CHODL: variants seen among roughly 807,000 people sequenced by gnomAD.
CHODL encodes transmembrane protein MT75.
In CHODL, 29 loss-of-function variants were observed where a neutral mutation model predicts 34.5. The observed-to-expected ratio is 0.84, with a 90% confidence interval of 0.63 to 1.15. CHODL has a LOEUF of 1.15. Among genes scored for constraint, CHODL ranks in the 50% most tolerant of loss-of-function variants. The pLI is 0.00. For synonymous variants in CHODL, 125 were observed against 116.1 expected, an observed-to-expected ratio of 1.08 and a Z score of -0.49; for missense variants, 332 against 332.5, an observed-to-expected ratio of 1.00 and a Z score of 0.01.
At chr21:18,181,610 TG>T (rs1184180466) in intron 2 of CHODL, among the ~76,000 whole-genome samples, 1 of 152,102 alleles carries the variant, frequency 6.6e-6, no homozygotes, top group African/African-American at 2.4e-5. Flanking sequence ...CACCGTGGTC[TG>T]GATATCCTGA....
intron 5 of CHODL, among the ~76,000 whole-genome samples, chr21:18,264,758 T>G (rs550313111): frequency 6.6e-6 from 1 of 152,028 alleles, no homozygotes; most frequent in South Asian, 2.1e-4. Context: ...GAATTCCAAA[T>G]GTGACAAGGG....
intron 2 of CHODL, among the ~76,000 whole-genome samples, chr21:18,227,986 T>C (rs1387171962): frequency 6.6e-6 from 1 of 152,172 alleles, no homozygotes. Context: ...ATAAGTTGGC[T>C]ATGGTTGGAC....
intron 2 of CHODL, among the ~76,000 whole-genome samples, chr21:18,059,660 A>G (rs1479112873): frequency 2.0e-5 from 3 of 152,018 alleles, no homozygotes; most frequent in African/African-American, 7.3e-5. Flanking sequence ...CAGCACCCCC[A>G]ATAGGGCCCA....
At chr21:18,157,040 G>A (rs147228508) in intron 2 of CHODL, among the ~76,000 whole-genome samples, 32 of 152,262 alleles carry the variant, frequency 2.1e-4, no homozygotes, top group Non-Finnish European at 3.7e-4. Flanking sequence ...GTGTTGCGGC[G>A]AAGAAGGCAG....
At chr21:18,080,974 G>A (rs1284127093) in intron 2 of CHODL, among the ~76,000 whole-genome samples, 1 of 152,066 alleles carries the variant, frequency 6.6e-6, no homozygotes, top group African/African-American at 2.4e-5. Flanking sequence ...ATGAGCATGG[G>A]ATGTTTTCCC....
At chr21:17,957,422 C>G (rs1234414378) in intron 1 of CHODL, among the ~76,000 whole-genome samples, 1 of 152,154 alleles carries the variant, frequency 6.6e-6, no homozygotes, top group African/African-American at 2.4e-5. Flanking sequence ...TGATCTTGCT[C>G]TTGCTTCCTT....
intron 2 of CHODL, among the ~76,000 whole-genome samples, chr21:18,123,238 A>G (rs2065502337): frequency 6.6e-6 from 1 of 152,184 alleles, no homozygotes; most frequent in African/African-American, 2.4e-5. Context: ...GTAAAGCCCA[A>G]TATTATGTGC....
At chr21:18,057,358 G>C (rs974202235) in intron 2 of CHODL, among the ~76,000 whole-genome samples, 3 of 151,824 alleles carry the variant, frequency 2.0e-5, no homozygotes, top group Non-Finnish European at 4.4e-5. Context: ...TTTTAGAGCA[G>C]TTTTAGGTTC....
chr21:18,245,636 G>C (rs1057373028), intron 1 of CHODL, among the ~76,000 whole-genome samples: 1 of 152,112 alleles, frequency 6.6e-6, no homozygotes, highest in Non-Finnish European at 1.5e-5. Flanking sequence ...ACCTGCCAAA[G>C]GGGTGGGGTA....
chr21:18,106,109 A>T (rs1057481480), intron 2 of CHODL, among the ~76,000 whole-genome samples: 4 of 152,194 alleles, frequency 2.6e-5, no homozygotes, highest in African/African-American at 9.6e-5. Context: ...TGCAATTAAC[A>T]ATGGGTTGGT....
intron 2 of CHODL, among the ~76,000 whole-genome samples, chr21:18,159,178 T>C (rs955532997): frequency 6.6e-6 from 1 of 152,158 alleles, no homozygotes; most frequent in Admixed American, 6.5e-5. Context: ...CACAATGCAA[T>C]GCACAGGACA....
At chr21:18,125,602 TA>T (rs2065533039) in intron 2 of CHODL, among the ~76,000 whole-genome samples, 2 of 152,162 alleles carry the variant, frequency 1.3e-5, no homozygotes, top group African/African-American at 2.4e-5. Flanking sequence ...ATTAATTAAT[TA>T]ATTAATTTTT....
At chr21:18,126,129 A>G (rs2065540833) in intron 2 of CHODL, among the ~76,000 whole-genome samples, 1 of 152,200 alleles carries the variant, frequency 6.6e-6, no homozygotes, top group Non-Finnish European at 1.5e-5. Flanking sequence ...GCCACTGCAC[A>G]AGACATAGCA....
In CHODL at chr21:17,919,813, AC is replaced by A. The variant is rs910593888; in HGVS notation, c.-145+2414del. Among the ~76,000 whole-genome samples the A allele has an allele frequency of 5.3e-5, 8 of 152,306 alleles. No individual in the cohort carries two copies. The East Asian group carries it at 9.6e-4, about 18-fold the overall frequency. On this transcript the variant is annotated intron_variant, in intron 1 of 6. Transcript: ENST00000400127. The stretch of plus-strand genomic sequence containing the variant: ...TCCCTTATAAAACTGAATGATTTTA[AC>A]AGCACCCAAGTCACCTCTTGAATGC...
At chr21:17,968,654 C>G (rs563999092) in intron 1 of CHODL, among the ~76,000 whole-genome samples, 8 of 152,288 alleles carry the variant, frequency 5.3e-5, no homozygotes, top group African/African-American at 1.9e-4. Context: ...TTCCCTCTCC[C>G]TAGTCTCTAG....
At chr21:17,989,845 G>C (rs533951677) in intron 1 of CHODL, among the ~76,000 whole-genome samples, 2 of 152,118 alleles carry the variant, frequency 1.3e-5, no homozygotes, top group East Asian at 3.8e-4. Context: ...TCCCATTTCC[G>C]AGGAGTTAAA....
At chr21:18,095,415 G>A (rs185416814) in intron 2 of CHODL, among the ~76,000 whole-genome samples, 282 of 152,006 alleles carry the variant, frequency 1.9e-3, no homozygotes, top group African/African-American at 6.6e-3. Flanking sequence ...AAAAGAAATG[G>A]GTAAATTCCC....
chr21:18,237,190 T>G (rs1346403963), intron 2 of CHODL, among the ~76,000 whole-genome samples: 2 of 152,118 alleles, frequency 1.3e-5, no homozygotes, highest in Non-Finnish European at 2.9e-5. Flanking sequence ...ACAAGATGTG[T>G]GGTTACCATA....
At chr21:17,973,092 T>G (rs2063629781) in intron 1 of CHODL, among the ~76,000 whole-genome samples, 1 of 152,138 alleles carries the variant, frequency 6.6e-6, no homozygotes, top group Non-Finnish European at 1.5e-5. Context: ...TAGCCATATG[T>G]AGAAAACTGA....
Sources: gnomAD v4.1 joint callset for allele counts (sites outside exome capture counted in the v4.1 genomes callset) on GRCh38, gnomAD v4.1.1 for gene constraint, MANE v1.5 for transcripts, NCBI Gene and HGNC (gene_info 2026-07-23, HGNC 2026-07-21) for gene names.